FAM135B: variants seen among roughly 807,000 people sequenced by gnomAD.
FAM135B encodes family with sequence similarity 135 member B.
In FAM135B, 43 loss-of-function variants were observed where a neutral mutation model predicts 127.7. The observed-to-expected ratio is 0.34, with a 90% CI of 0.26 to 0.43. The LOEUF (loss-of-function observed/expected upper bound fraction) is 0.43, where lower values mean the gene tolerates loss of function less well. FAM135B is among the 20% of genes least tolerant of loss of function. FAM135B has a pLI of 1.00. For synonymous variants in FAM135B, 670 were observed against 665.1 expected (o/e 1.01, Z -0.11); for missense variants, 1,558 against 1,725.6 (o/e 0.90, Z 1.72).
At chr8:138,444,842 A>C (rs1836018750) in intron 1 of FAM135B, among the ~76,000 whole-genome samples, 1 of 152,104 alleles carries the variant, frequency 6.6e-6, no homozygotes, top group African/African-American at 2.4e-5. Context: ...AAAACCCTTC[A>C]AAAAAATCAA....
chr8:138,446,011 T>C (rs1304315652), intron 1 of FAM135B, among the ~76,000 whole-genome samples: 1 of 151,854 alleles, frequency 6.6e-6, no homozygotes, highest in South Asian at 2.1e-4. Flanking sequence ...ACACCAATAA[T>C]GGAAAAACAG....
At chr8:138,477,959 T>C (rs921667547) in intron 1 of FAM135B, among the ~76,000 whole-genome samples, 4 of 152,104 alleles carry the variant, frequency 2.6e-5, no homozygotes, top group Admixed American at 1.3e-4. Context: ...AGAGAAGAGA[T>C]CCTGGGAAGC....
chr8:138,286,081 TA>T (rs1195643848), intron 3 of FAM135B, among the ~76,000 whole-genome samples: 8 of 152,162 alleles, frequency 5.3e-5, no homozygotes, highest in Non-Finnish European at 1.0e-4. Context: ...AACACTCAAG[TA>T]ACCATTCCAT....
intron 9 of FAM135B, among the ~76,000 whole-genome samples, chr8:138,185,075 T>C (rs1345695452): frequency 2.6e-5 from 4 of 152,174 alleles, no homozygotes; most frequent in Non-Finnish European, 5.9e-5. Context: ...TGTGAAGTCC[T>C]AGCGCCAGGA....
chr8:138,272,789 TATTTCAGTTTGG>T (rs1444890946), intron 3 of FAM135B, among the ~76,000 whole-genome samples: 1 of 152,218 alleles, frequency 6.6e-6, no homozygotes, highest in East Asian at 1.9e-4. Context: ...TGGTCTCAGG[TATTTCAGTTTGG>T]ATTTCAATAA....
chr8:138,398,452 C>T (rs530824603), intron 1 of FAM135B, among the ~76,000 whole-genome samples: 2 of 152,192 alleles, frequency 1.3e-5, no homozygotes, highest in Non-Finnish European at 2.9e-5. Flanking sequence ...CTGCAGGCCT[C>T]GGGGAACCAG....
At chr8:138,206,164 C>T (rs937655071) in intron 7 of FAM135B, among the ~76,000 whole-genome samples, 1 of 151,044 alleles carries the variant, frequency 6.6e-6, no homozygotes. Flanking sequence ...TCAGTATCAC[C>T]TCCACCTCTG....
intron 1 of FAM135B, among the ~76,000 whole-genome samples, chr8:138,456,407 A>G (rs923431362): frequency 6.6e-5 from 10 of 152,204 alleles, no homozygotes; most frequent in Non-Finnish European, 1.2e-4. Flanking sequence ...AAGAGGGTGA[A>G]GGGAGTGGGG....
In FAM135B at chr8:138,174,354, C is replaced by T. The variant is rs139415488; in HGVS notation, c.1103+2993G>A. ...CCTTATGTAAGCCGCATGACCTCCCCGGGGTGACTACCTTTCTCCAGCTCT... is the reference window on the plus strand; with the variant it reads ...CCTTATGTAAGCCGCATGACCTCCCTGGGGTGACTACCTTTCTCCAGCTCT... On this transcript the variant is annotated intron_variant, in intron 11 of 19. Transcript: ENST00000395297. Among the ~76,000 whole-genome samples the T allele has an allele frequency of 4.9e-3, 750 of 152,250 alleles. 2 individuals are homozygous for T. Among genetic ancestry groups the T allele is most frequent in the African/African-American group, 0.013 (560 of 41,542 alleles).
intron 1 of FAM135B, among the ~76,000 whole-genome samples, chr8:138,376,372 T>A (rs1366974348): frequency 6.6e-6 from 1 of 152,166 alleles, no homozygotes; most frequent in Non-Finnish European, 1.5e-5. Flanking sequence ...CTGATCAGCA[T>A]CCTCTTTCCT....
chr8:138,241,496 T>A lies in FAM135B; in HGVS notation c.669+1446A>T, dbSNP rs998716873. Among the ~76,000 whole-genome samples, 1 of 152,146 alleles carries A rather than the reference T, an allele frequency of 6.6e-6. No homozygotes were observed. Among genetic ancestry groups the A allele is most frequent in the African/African-American group, 2.4e-5 (1 of 41,422 alleles). Reference sequence around the variant, plus strand: ...ATGTGACACAGCAGCTTGGACAAGATGAAGACATGAGTTGGGCAGCTTTTG... The same window carrying A: ...ATGTGACACAGCAGCTTGGACAAGAAGAAGACATGAGTTGGGCAGCTTTTG... On this transcript the variant is annotated intron_variant, in intron 7 of 19. Coordinates refer to ENST00000395297, the MANE Select transcript of FAM135B (RefSeq NM_015912.4). This position sits in a 1 kb window ranked among gnomAD's most constrained non-coding sequence, Gnocchi z 4.8.
intron 4 of FAM135B, among the ~76,000 whole-genome samples, chr8:138,262,068 T>C (rs183591618): frequency 1.3e-5 from 2 of 152,296 alleles, no homozygotes; most frequent in Admixed American, 6.5e-5. Context: ...ACAATAATAA[T>C]TTATTAGCTT....
chr8:138,210,940 T>G (rs2129841360), intron 7 of FAM135B, among the ~76,000 whole-genome samples: 1 of 152,144 alleles, frequency 6.6e-6, no homozygotes, highest in Admixed American at 6.5e-5. Flanking sequence ...CAGTGTGGGG[T>G]GGGGAAGCAG....
intron 7 of FAM135B, among the ~76,000 whole-genome samples, chr8:138,211,932 A>G (rs996095560): frequency 3.9e-5 from 6 of 152,040 alleles, no homozygotes; most frequent in Non-Finnish European, 1.5e-5. Flanking sequence ...GCCAGGCGTA[A>G]TGGTGCACAC....
chr8:138,399,013 T>C (rs936162155), intron 1 of FAM135B, among the ~76,000 whole-genome samples: 1 of 152,216 alleles, frequency 6.6e-6, no homozygotes, highest in African/African-American at 2.4e-5. Flanking sequence ...ACCTTGCTTA[T>C]GCAAAATTAG....
At chr8:138,386,224 C>CAA (rs71274860) in intron 1 of FAM135B, among the ~76,000 whole-genome samples, 164 of 141,632 alleles carry the variant, frequency 1.2e-3, no homozygotes, top group African/African-American at 2.4e-3. Context: ...CTCAAAAAAA[C>CAA]AAAAAAAAAA....
intron 7 of FAM135B, among the ~76,000 whole-genome samples, chr8:138,209,523 CA>C (rs1278951873): frequency 6.6e-6 from 1 of 152,048 alleles, no homozygotes; most frequent in African/African-American, 2.4e-5. Flanking sequence ...TGCCAGAGTC[CA>C]GGAGAGAAGC....
At chr8:138,472,295 A>T (rs1290337680) in intron 1 of FAM135B, among the ~76,000 whole-genome samples, 1 of 152,172 alleles carries the variant, frequency 6.6e-6, no homozygotes, top group African/African-American at 2.4e-5. Flanking sequence ...GTAAGAAGGA[A>T]TATCACAGGG....
chr8:138,466,379 A>T (rs1837381380), intron 1 of FAM135B, among the ~76,000 whole-genome samples: 1 of 152,158 alleles, frequency 6.6e-6, no homozygotes, highest in African/African-American at 2.4e-5. Context: ...AGCAAAGCAA[A>T]CCTGAAGATG....
Sources: allele counts gnomAD v4.1 joint callset (sites outside exome capture counted in the v4.1 genomes callset), GRCh38; gene constraint gnomAD v4.1.1; non-coding constraint Gnocchi (gnomAD v3.1); transcripts MANE v1.5; gene names NCBI Gene and HGNC (gene_info 2026-07-23, HGNC 2026-07-21).